ANO6: variants seen among roughly 807,000 people sequenced by gnomAD.
The protein encoded by ANO6 is anoctamin-6.
A neutral mutation model predicts 117.5 loss-of-function variants in ANO6; 106 were observed. That is an observed-to-expected ratio of 0.90 (90% CI 0.77 to 1.06). ANO6 has a LOEUF of 1.06. Ranked by LOEUF, ANO6 falls within the 50% of genes least tolerant of loss-of-function variation. ANO6 has a pLI of 0.00. For missense variants in ANO6, 955 were observed against 1,121.1 expected, an observed-to-expected ratio of 0.85 and a Z score of 2.12; for synonymous variants, 367 against 385.1, an observed-to-expected ratio of 0.95 and a Z score of 0.55.
intron 1 of ANO6, among the ~76,000 whole-genome samples, chr12:45,239,167 G>A (rs919183702): frequency 6.6e-6 from 1 of 152,144 alleles, no homozygotes; most frequent in Non-Finnish European, 1.5e-5. Context: ...AATCCATCTG[G>A]TCCTGGACTT....
intron 1 of ANO6, among the ~76,000 whole-genome samples, chr12:45,224,330 A>G (rs531189850): frequency 1.1e-4 from 16 of 152,280 alleles, no homozygotes; most frequent in African/African-American, 3.9e-4. Context: ...TTAAATCTTG[A>G]TACACCCTGG....
At chr12:45,277,445 TCTC>T (rs1267616944) in intron 1 of ANO6, among the ~76,000 whole-genome samples, 1 of 152,212 alleles carries the variant, frequency 6.6e-6, no homozygotes, top group African/African-American at 2.4e-5. Flanking sequence ...AGCCTTCTGA[TCTC>T]CTCCACGCTG....
chr12:45,381,927 G>T (rs1212730469), intron 10 of ANO6, among the ~76,000 whole-genome samples: 5 of 151,978 alleles, frequency 3.3e-5, no homozygotes, highest in Admixed American at 3.3e-4. Context: ...TACTGAGATA[G>T]ATACTAGATA....
Position 45,383,743 on chromosome 12 carries a change from T to C in ANO6, c.1166-4418T>C, listed in dbSNP as rs1445882287. ...TAAAATAATTCAACACACCATGTTA[T>C]AAACAGATGTGCTTGTCATCTAGGC... On this transcript the variant is annotated intron_variant, in intron 10 of 19. Coordinates refer to ENST00000320560, the MANE Select transcript of ANO6 (RefSeq NM_001025356.3). Among the ~76,000 whole-genome samples, 3 of 152,244 alleles carry C rather than the reference T, an allele frequency of 2.0e-5. No individual in the cohort carries two copies. The East Asian group carries it at 5.8e-4, about 29-fold the overall frequency.
At chr12:45,412,489 G>A (rs867016013) in intron 16 of ANO6, among the ~76,000 whole-genome samples, 3 of 152,022 alleles carry the variant, frequency 2.0e-5, no homozygotes, top group Admixed American at 6.6e-5. Flanking sequence ...GCAGCTCCTC[G>A]TACCCCTTTC....
At chr12:45,289,240 C>G (rs1215064347) in intron 1 of ANO6, among the ~76,000 whole-genome samples, 2 of 147,924 alleles carry the variant, frequency 1.4e-5, no homozygotes, top group Admixed American at 1.4e-4. Context: ...AATCTCAGCT[C>G]ACTGCAACCT....
chr12:45,274,816 C>T (rs1938497847), intron 1 of ANO6, among the ~76,000 whole-genome samples: 1 of 147,736 alleles, frequency 6.8e-6, no homozygotes, highest in Non-Finnish European at 1.5e-5. Flanking sequence ...TCTCCACCCT[C>T]TGTCACCTCC....
At chr12:45,265,106 T>C (rs540395257) in intron 1 of ANO6, among the ~76,000 whole-genome samples, 2 of 152,304 alleles carry the variant, frequency 1.3e-5, no homozygotes, top group South Asian at 4.1e-4. Context: ...ATTATGAAAA[T>C]GGTTTTCCTG....
At position 45,370,751 on chromosome 12, in the gene ANO6, T is replaced by C. The variant is rs549152355; in HGVS notation, c.1104+2958T>C. Among the ~76,000 whole-genome samples the C allele has an allele frequency of 1.6e-4, 25 of 152,328 alleles. No homozygotes were observed. The South Asian group carries it at 2.9e-3, about 18-fold the overall frequency. ...AAAAGATTTGAAATATGTGGTCTTA[T>C]GGAATCCCTGGACAAGAGGAGTAGG... On this transcript the variant is annotated intron_variant, in intron 9 of 19. Transcript: ENST00000320560.
intron 6 of ANO6, among the ~76,000 whole-genome samples, chr12:45,349,728 G>A (rs953159918): frequency 2.6e-5 from 4 of 152,102 alleles, no homozygotes; most frequent in African/African-American, 7.2e-5. Flanking sequence ...CAGGGAGCTG[G>A]GTGAGGTAAA....
At chr12:45,371,153 G>T (rs943948271) in intron 9 of ANO6, among the ~76,000 whole-genome samples, 85 of 152,244 alleles carry the variant, frequency 5.6e-4, no homozygotes, top group Middle Eastern at 3.4e-3. Flanking sequence ...CTTTTCTGAC[G>T]GGCTTAAAAA....
intron 1 of ANO6, among the ~76,000 whole-genome samples, chr12:45,228,504 C>A (rs534884225): frequency 6.6e-6 from 1 of 151,788 alleles, no homozygotes; most frequent in Non-Finnish European, 1.5e-5. Flanking sequence ...ACAAAAAGTG[C>A]GGAAGGAAAC....
At chr12:45,386,811 C>T (rs1049552694) in intron 10 of ANO6, among the ~76,000 whole-genome samples, 13 of 152,224 alleles carry the variant, frequency 8.5e-5, no homozygotes, top group African/African-American at 3.1e-4. Context: ...TGCGCAGCTC[C>T]CTGGGGGTAG....
At chr12:45,394,195 C>G (rs139579032) in intron 12 of ANO6, among the ~76,000 whole-genome samples, 1,745 of 152,200 alleles carry the variant, frequency 0.011, 29 homozygotes, top group African/African-American at 0.04. Context: ...GGGTTGCAAT[C>G]CTAGTCTCTC....
chr12:45,348,097 A>C lies in ANO6; in HGVS notation c.415A>C (p.Ile139Leu). The change falls in exon 5 of 20, where the codon ATA becomes CTA. Residue 139 changes from isoleucine to leucine, a missense_variant. Physicochemically the swap from Ile to Leu is conservative, Grantham distance 5. Coordinates refer to ENST00000320560, the MANE Select transcript of ANO6 (RefSeq NM_001025356.3). ...GGAGGTGTTATGTACGTATGCTGAG[A>C]TAATGCACATCAAATTGCCTCTGAA... ...PWEVLCTYAE[I>L]MHIKLPLKPN... 6.2e-7 allele frequency: 1 copy of C among 1,614,106 alleles called. No homozygotes were observed. The highest frequency in any genetic ancestry group is 8.5e-7 in the Non-Finnish European group (1 of 1,179,964).
chr12:45,368,505 C>T (rs1209603156), intron 9 of ANO6, among the ~76,000 whole-genome samples: 2 of 152,154 alleles, frequency 1.3e-5, no homozygotes, highest in African/African-American at 2.4e-5. Context: ...TGCCAGAAAA[C>T]ACATCTAGCT....
chr12:45,408,059 C>G (rs1163587916), intron 15 of ANO6, among the ~76,000 whole-genome samples: 1 of 152,176 alleles, frequency 6.6e-6, no homozygotes, highest in East Asian at 1.9e-4. Context: ...GCCCTGAGAT[C>G]AATAGCAGTG....
At chr12:45,426,096 C>T (rs749219239) in intron 19 of ANO6, among the ~76,000 whole-genome samples, 3 of 152,174 alleles carry the variant, frequency 2.0e-5, no homozygotes, top group Non-Finnish European at 2.9e-5. Flanking sequence ...GTTGAGGGCT[C>T]ACTACATACA....
chr12:45,261,070 T>C (rs1167815502), intron 1 of ANO6, among the ~76,000 whole-genome samples: 1 of 152,132 alleles, frequency 6.6e-6, no homozygotes, highest in Non-Finnish European at 1.5e-5. Context: ...TCCCCCAGCC[T>C]TGGCCTCCCC....
Sources: allele counts gnomAD v4.1 joint callset (sites outside exome capture counted in the v4.1 genomes callset), GRCh38; gene constraint gnomAD v4.1.1; transcripts MANE v1.5; gene names NCBI Gene and HGNC (gene_info 2026-07-23, HGNC 2026-07-21).